Variants in HELZ observed in about 807,000 individuals in gnomAD.
The protein encoded by HELZ is helicase with zinc finger, also known as ATP-dependent RNA helicase with zinc finger domain.
Under a neutral mutation model 218.2 loss-of-function variants are expected in HELZ, and 23 were observed. The ratio of observed to expected loss-of-function variants is 0.11; its 90% CI spans 0.08 to 0.15. The LOEUF is 0.15. HELZ is among the 10% of genes least tolerant of loss of function. The pLI is 1.00. For synonymous variants in HELZ, 814 were observed against 829.4 expected, an observed-to-expected ratio of 0.98 and a Z score of 0.32; for missense variants, 1,813 against 2,353.7, an observed-to-expected ratio of 0.77 and a Z score of 4.75.
upstream of HELZ, chr17:67,245,312 G>T (rs1307757451): frequency 2.4e-6 from 2 of 821,186 alleles, no homozygotes; most frequent in Admixed American, 6.6e-5. Context: ...AAGTTGCCCC[G>T]GGTGGACTGC....
chr17:67,142,779 CAG>C (rs1363997270), intron 21 of HELZ, among the ~76,000 whole-genome samples: 3 of 151,768 alleles, frequency 2.0e-5, no homozygotes, highest in Admixed American at 6.6e-5. Context: ...TTTTTTGAGA[CAG>C]GGTCTAGCTC....
chr17:67,228,441 T>C (rs564105821), intron 3 of HELZ, among the ~76,000 whole-genome samples: 2 of 152,080 alleles, frequency 1.3e-5, no homozygotes, highest in African/African-American at 4.8e-5. Context: ...GGCCAGCAGA[T>C]TGCTGAGCTT....
upstream of HELZ, chr17:67,245,557 C>A: frequency 2.0e-6 from 2 of 979,540 alleles, no homozygotes; most frequent in Non-Finnish European, 1.2e-6. Context: ...CGGAGCTGCT[C>A]GCGGATTTAT....
intron 4 of HELZ, among the ~76,000 whole-genome samples, chr17:67,217,733 T>TA (rs1349607063): frequency 1.3e-5 from 2 of 152,080 alleles, no homozygotes; most frequent in Admixed American, 1.3e-4. Flanking sequence ...TTCCTCCAGT[T>TA]TTACACATGG....
intron 1 of HELZ, chr17:67,244,788 C>G: frequency 2.0e-6 from 2 of 985,286 alleles, no homozygotes; most frequent in Non-Finnish European, 2.4e-6. Context: ...AGGAGGGGAA[C>G]GTGCCGGGAG....
In HELZ at chr17:67,107,154, T is replaced by G. The variant is rs58494994; in HGVS notation, c.5241+15A>C. 6.2e-3 allele frequency: 9,731 copies of G among 1,578,214 alleles called. 507 individuals are homozygous for G. The African/African-American group carries it at 0.11, about 19-fold the overall frequency. ...CAATCAGCTAATAACAAAAGGAAAA[T>G]AAGAAGACATTTACCTCTTCTAAGC... is the stretch of plus-strand genomic sequence containing the variant. On this transcript the variant is annotated intron_variant, in intron 31 of 32. Transcript: ENST00000358691.
intron 7 of HELZ, among the ~76,000 whole-genome samples, chr17:67,197,662 C>T (rs2040066922): frequency 6.6e-6 from 1 of 152,112 alleles, no homozygotes; most frequent in South Asian, 2.1e-4. Flanking sequence ...AAACAGTATC[C>T]CAAGATGAAA....
At chr17:67,105,004 G>A (rs909063518) in intron 31 of HELZ, among the ~76,000 whole-genome samples, 2 of 151,988 alleles carry the variant, frequency 1.3e-5, no homozygotes, top group Admixed American at 1.3e-4. Context: ...GTGGTGGTGG[G>A]CGCCTGTAGT....
intron 5 of HELZ, among the ~76,000 whole-genome samples, chr17:67,213,058 T>C (rs1040275226): frequency 2.0e-5 from 3 of 152,220 alleles, no homozygotes; most frequent in African/African-American, 4.8e-5. Flanking sequence ...ATGCAACATT[T>C]GTCCATATGC....
chr17:67,148,004 G>A (rs2038558353), intron 20 of HELZ, among the ~76,000 whole-genome samples: 1 of 152,194 alleles, frequency 6.6e-6, no homozygotes, highest in Non-Finnish European at 1.5e-5. Flanking sequence ...ACCAGTAAAT[G>A]TAAATAACTG....
chr17:67,206,301 C>T (rs149302828), intron 5 of HELZ, among the ~76,000 whole-genome samples: 25 of 152,322 alleles, frequency 1.6e-4, no homozygotes, highest in African/African-American at 5.8e-4. Flanking sequence ...TGTCAGCTCG[C>T]TGTGTATCTT....
chr17:67,221,201 G>A (rs1461258934), intron 3 of HELZ, among the ~76,000 whole-genome samples: 1 of 152,176 alleles, frequency 6.6e-6, no homozygotes, highest in East Asian at 1.9e-4. Flanking sequence ...GCCATTCTGT[G>A]CATTGTAGGT....
upstream of HELZ, chr17:67,245,220 C>A (rs1245912533): frequency 7.1e-6 from 7 of 985,580 alleles, no homozygotes; most frequent in African/African-American, 7.0e-5. Flanking sequence ...TAAGAAAGAG[C>A]CTTTAAAGTG....
chr17:67,194,651 A>C (rs895596012), intron 8 of HELZ, among the ~76,000 whole-genome samples: 2 of 152,222 alleles, frequency 1.3e-5, no homozygotes, highest in African/African-American at 4.8e-5. Flanking sequence ...TTTGGATAGG[A>C]GTTTCCAAAT....
chr17:67,120,946 G>GT (rs1372214487), intron 26 of HELZ, among the ~76,000 whole-genome samples: 18 of 152,148 alleles, frequency 1.2e-4, no homozygotes, highest in African/African-American at 4.3e-4. Flanking sequence ...CCATATGAAT[G>GT]TATACATGTC....
At position 67,109,263 on chromosome 17, in the gene HELZ, C is replaced by T. The variant is rs545354816; in HGVS notation, c.4342G>A (p.Val1448Ile). 49 of 1,614,144 alleles carry T rather than the reference C, an allele frequency of 3.0e-5. No individual in the cohort carries two copies. In the South Asian group the frequency reaches 4.3e-4, roughly 14 times the overall value. Reference protein sequence around the residue: ...HRPQSPPAEAVIPEQQPPPML... With the variant: ...HRPQSPPAEAIIPEQQPPPML... ...GGAGGGGGCTGCTGCTCCGGAATTA[C>T]AGCTTCTGCAGGAGGAGACTGTGGC... The change falls in exon 29 of 33, where the codon GTA (valine) becomes ATA (isoleucine). Residue 1448 changes from valine (V) to isoleucine (I), a missense_variant. This residue lies in a region of HELZ where 938 missense variants were observed against 1,027.5 expected (regional missense o/e 0.91). Transcript: ENST00000358691.
At position 67,188,210 on chromosome 17, in the gene HELZ, C is replaced by T; in HGVS notation, c.1162+109G>A. 3 of 1,058,886 alleles carry T rather than the reference C, an allele frequency of 2.8e-6. No homozygotes were observed. Among genetic ancestry groups the T allele is most frequent in the Admixed American group, 4.7e-5 (2 of 42,528 alleles). The allele number at this position is 1,058,886 out of a possible 1,614,324, so 65.6% of individuals were successfully genotyped here. A position where few individuals can be genotyped will look rare whatever the true frequency, so the allele number is the denominator to read the frequency against. On this transcript the variant is annotated intron_variant, in intron 12 of 32. Coordinates refer to ENST00000358691, the MANE Select transcript of HELZ (RefSeq NM_014877.4). This position sits in a 1 kb window ranked among gnomAD's most constrained non-coding sequence, Gnocchi z 4.1. ...GAGTCAATTAAGTTGGGATTTTTTT[C>T]TTTATTACTATTCTCTTCCTATCCA...
chr17:67,154,040 A>C (rs185964416), intron 17 of HELZ, among the ~76,000 whole-genome samples: 110 of 152,362 alleles, frequency 7.2e-4, no homozygotes, highest in African/African-American at 2.6e-3. Context: ...ACTTTGTATT[A>C]ATGTTTCTCA....
intron 3 of HELZ, among the ~76,000 whole-genome samples, chr17:67,233,277 T>C (rs1408234224): frequency 6.6e-6 from 1 of 152,144 alleles, no homozygotes; most frequent in Admixed American, 6.5e-5. Context: ...CGCTTAAACC[T>C]GGGATGCGGA....
Sources: gnomAD v4.1 joint callset for allele counts (sites outside exome capture counted in the v4.1 genomes callset) on GRCh38, gnomAD v4.1.1 for gene constraint, gnomAD v4.1.1 regional missense constraint, Gnocchi (gnomAD v3.1) non-coding constraint, MANE v1.5 for transcripts, NCBI Gene and HGNC (gene_info 2026-07-23, HGNC 2026-07-21) for gene names.